PIP5K1C: variants seen among roughly 807,000 people sequenced by gnomAD.
PIP5K1C encodes phosphatidylinositol-4-phosphate 5-kinase type 1 gamma.
In PIP5K1C, 45 loss-of-function variants were observed where a neutral mutation model predicts 80.1. The observed-to-expected ratio is 0.56, with a 90% CI of 0.44 to 0.72. The LOEUF (loss-of-function observed/expected upper bound fraction) is 0.72, where lower values mean the gene tolerates loss of function less well. Among genes scored for constraint, PIP5K1C ranks in the 30% least tolerant of loss-of-function variants. The pLI is 0.00. For missense variants in PIP5K1C, 753 were observed against 954.6 expected (o/e 0.79, Z 2.78); for synonymous variants, 498 against 420.1 (o/e 1.19, Z -2.27).
chr19:3,675,448 T>G (rs913674089), intron 1 of PIP5K1C, among the ~76,000 whole-genome samples: 2 of 152,174 alleles, frequency 1.3e-5, no homozygotes, highest in Non-Finnish European at 2.9e-5. Flanking sequence ...CTGGAGCTTC[T>G]CACACTGTCT....
chr19:3,689,582 G>A (rs1010029733), intron 1 of PIP5K1C, among the ~76,000 whole-genome samples: 12 of 152,184 alleles, frequency 7.9e-5, no homozygotes, highest in Non-Finnish European at 1.5e-4. Flanking sequence ...CCGGAAGACA[G>A]AGGTTTCGGT....
intron 6 of PIP5K1C, 28 bp from the exon 7 acceptor site, chr19:3,653,617 AG>A: frequency 6.3e-7 from 1 of 1,592,362 alleles, no homozygotes. Context: ...CAAGTCGTGG[AG>A]GGCGGCTGGG....
At chr19:3,636,966 G>T (rs2033712717) in intron 16 of PIP5K1C, 1 of 1,020,028 alleles carries the variant, frequency 9.8e-7, no homozygotes, top group Non-Finnish European at 1.2e-6. Flanking sequence ...TTGGGGATCT[G>T]GATTTTGACT....
intron 5 of PIP5K1C, among the ~76,000 whole-genome samples, chr19:3,658,783 C>T (rs1254724730): frequency 6.6e-6 from 1 of 152,226 alleles, no homozygotes; most frequent in African/African-American, 2.4e-5. Context: ...ACACCGATGA[C>T]AGGGAAATTC....
chr19:3,686,706 G>A (rs373235384), intron 1 of PIP5K1C, among the ~76,000 whole-genome samples: 8 of 151,054 alleles, frequency 5.3e-5, no homozygotes, highest in Non-Finnish European at 1.0e-4. Context: ...CAACAGGAGC[G>A]AAACTCCGTC....
chr19:3,688,333 G>A lies in PIP5K1C; in HGVS notation c.94+11964C>T, dbSNP rs538708925. On this transcript the variant is annotated intron_variant, in intron 1 of 17. Transcript: ENST00000335312. This position sits in a 1 kb window ranked among gnomAD's most constrained non-coding sequence, Gnocchi z 5.3. Reference sequence around the variant, plus strand: ...GTTAGGCCGTGGTGGGAAACAGAGCGGGGTGCCGCAGGGGAGCCCGCAGGA... The same window carrying A: ...GTTAGGCCGTGGTGGGAAACAGAGCAGGGTGCCGCAGGGGAGCCCGCAGGA... Among the ~76,000 whole-genome samples, 17 of 152,294 alleles carry A rather than the reference G, an allele frequency of 1.1e-4. No individual in the cohort carries two copies. The East Asian group carries it at 2.5e-3, about 23-fold the overall frequency.
chr19:3,692,397 G>A lies in PIP5K1C; in HGVS notation c.94+7900C>T, dbSNP rs557071923. Among the ~76,000 whole-genome samples the A allele has an allele frequency of 1.4e-4, 21 of 152,248 alleles. No homozygotes were observed. The highest frequency in any genetic ancestry group is 4.1e-4 in the African/African-American group (17 of 41,534). On this transcript the variant is annotated intron_variant, in intron 1 of 17. Coordinates refer to ENST00000335312, the MANE Select transcript of PIP5K1C (RefSeq NM_012398.3). The surrounding 1 kb of genome is among the most constrained non-coding windows in gnomAD (Gnocchi z 5.2). ...CAGCTCGGCCATGCTGGGCCCCGGC[G>A]GCCCCCATGCTGCCCTTCCTGCATC... is the stretch of plus-strand genomic sequence containing the variant.
intron 5 of PIP5K1C, 87 bp from the exon 6 acceptor site, chr19:3,656,644 A>C (rs2145464251): frequency 2.7e-6 from 4 of 1,463,480 alleles, no homozygotes; most frequent in Non-Finnish European, 2.9e-6. Flanking sequence ...CAGCCCCAGG[A>C]ACTGATGACG....
chr19:3,642,900 G>A lies in PIP5K1C; in HGVS notation c.1682+7C>T. On this transcript the variant is annotated splice_region_variant and intron_variant, in intron 14 of 17. Transcript: ENST00000335312. Reference sequence around the variant, plus strand: ...AGACCCAGGGAAGGAAGGGGGTTGGGTCTCACCTGCCATCCTGTCCAGACG... The same window carrying A: ...AGACCCAGGGAAGGAAGGGGGTTGGATCTCACCTGCCATCCTGTCCAGACG... 1 of 1,612,422 alleles carries A rather than the reference G, an allele frequency of 6.2e-7. No individual in the cohort carries two copies. Among genetic ancestry groups the A allele is most frequent in the East Asian group, 2.2e-5 (1 of 44,854 alleles).
chr19:3,674,624 TC>T (rs2035304940), intron 1 of PIP5K1C, among the ~76,000 whole-genome samples: 2 of 152,138 alleles, frequency 1.3e-5, no homozygotes, highest in South Asian at 4.2e-4. Context: ...TGCCTCAGCC[TC>T]CCCCGAGTAG....
chr19:3,678,987 G>A (rs1483749186), intron 1 of PIP5K1C, among the ~76,000 whole-genome samples: 3 of 151,278 alleles, frequency 2.0e-5, no homozygotes, highest in African/African-American at 2.4e-5. Context: ...AAGATGGAGG[G>A]AGGGATGGAG....
intron 15 of PIP5K1C, 47 bp downstream of exon 15, chr19:3,641,658 G>A: frequency 2.8e-6 from 4 of 1,434,916 alleles, no homozygotes; most frequent in Non-Finnish European, 3.9e-6. Context: ...GCTCCTCTGG[G>A]CCCGCAGCAG....
At chr19:3,666,347 A>G (rs983357332) in intron 2 of PIP5K1C, among the ~76,000 whole-genome samples, 3 of 152,202 alleles carry the variant, frequency 2.0e-5, no homozygotes, top group African/African-American at 7.2e-5. Context: ...GGCTGGGAAG[A>G]AGGCCACTCG....
intron 8 of PIP5K1C, among the ~76,000 whole-genome samples, chr19:3,651,462 G>T (rs528112168): frequency 1.6e-4 from 24 of 152,292 alleles, no homozygotes; most frequent in African/African-American, 5.5e-4. Flanking sequence ...CCTCCCATGC[G>T]CCTTCCACAC....
In PIP5K1C at chr19:3,643,252, G is replaced by A. The variant is rs370385321; in HGVS notation, c.1640C>T (p.Pro547Leu). 2.6e-5 allele frequency: 42 copies of A among 1,613,440 alleles called. No individual in the cohort carries two copies. The highest frequency in any genetic ancestry group is 3.4e-5 in the Non-Finnish European group (40 of 1,179,890). Reference sequence around the variant, plus strand: ...CGGATGCCTCGCCCACCTGTACCGCGGCTGCTCCGACGTCTCCGAGGGGGA... The same window carrying A: ...CGGATGCCTCGCCCACCTGTACCGCAGCTGCTCCGACGTCTCCGAGGGGGA... ...ERSPSETSEQ[P>L]RYRRRTQSSG... is the part of the protein sequence containing the mutation. Residue 547 changes from proline (P) to leucine (L), a missense_variant, in exon 13 of 18, where the codon CCG becomes CTG. Physicochemically the swap from Pro to Leu is moderately conservative, Grantham distance 98. This residue lies in a region of PIP5K1C where 315 missense variants were observed against 294.5 expected (regional missense o/e 1.07). Transcript: ENST00000335312.
At chr19:3,673,612 G>A (rs1221213253) in intron 1 of PIP5K1C, 2 of 152,384 alleles carry the variant, frequency 1.3e-5, no homozygotes, top group Admixed American at 6.5e-5. Context: ...ACAGCAACCC[G>A]GGTGTGTGAG....
intron 10 of PIP5K1C, 94 bp from the exon 11 acceptor site, chr19:3,646,152 G>A: frequency 1.3e-6 from 1 of 784,788 alleles, no homozygotes; most frequent in Non-Finnish European, 2.3e-6. Flanking sequence ...TGTGTGGGGG[G>A]CACCTTCTGT....
At chr19:3,672,110 C>G (rs1174345245) in intron 1 of PIP5K1C, among the ~76,000 whole-genome samples, 1 of 152,322 alleles carries the variant, frequency 6.6e-6, no homozygotes, top group East Asian at 1.9e-4. Flanking sequence ...GCTGGCTGCA[C>G]GGTGACCTCA....
intron 3 of PIP5K1C, among the ~76,000 whole-genome samples, chr19:3,663,728 C>T (rs1225444013): frequency 6.6e-6 from 1 of 152,218 alleles, no homozygotes; most frequent in Non-Finnish European, 1.5e-5. Flanking sequence ...ACAACAATCA[C>T]GAGTGCTGGT....
Sources: allele counts gnomAD v4.1 joint callset (sites outside exome capture counted in the v4.1 genomes callset), GRCh38; gene constraint gnomAD v4.1.1; regional missense constraint gnomAD v4.1.1; non-coding constraint Gnocchi (gnomAD v3.1); transcripts MANE v1.5; gene names NCBI Gene and HGNC (gene_info 2026-07-23, HGNC 2026-07-21).